Variants in ZNF362 observed in about 807,000 individuals in gnomAD.
ZNF362 encodes the protein zinc finger protein 362.
Under a neutral mutation model 42.9 loss-of-function variants are expected in ZNF362, and 11 were observed. The ratio of observed to expected loss-of-function variants is 0.26; its 90% CI spans 0.16 to 0.42. The LOEUF (loss-of-function observed/expected upper bound fraction) is 0.42, where lower values mean the gene tolerates loss of function less well. ZNF362 is among the 20% of genes least tolerant of loss of function. ZNF362 has a pLI of 1.00. For missense variants in ZNF362, 362 were observed against 576.2 expected (o/e 0.63, Z 3.81); for synonymous variants, 255 against 257.3 (o/e 0.99, Z 0.09).
chr1:33,135,497 C>T, the ZNF362 span, among the ~76,000 whole-genome samples: 1 of 152,206 alleles, frequency 6.6e-6, no homozygotes, highest in Non-Finnish European at 1.5e-5. Flanking sequence ...TATTTCGACT[C>T]ATTTCATTCT....
the ZNF362 span, among the ~76,000 whole-genome samples, chr1:33,236,037 C>G: frequency 5.9e-5 from 9 of 152,192 alleles, no homozygotes; most frequent in South Asian, 1.2e-3. Context: ...GGTGCAAGTG[C>G]TGACTGTTGC....
intron 6 of ZNF362, among the ~76,000 whole-genome samples, chr1:33,292,706 G>A (rs1646088193): frequency 6.6e-6 from 1 of 152,152 alleles, no homozygotes; most frequent in Non-Finnish European, 1.5e-5. Context: ...TCCTGGACTT[G>A]GTTGTGGGGT....
the ZNF362 span, among the ~76,000 whole-genome samples, chr1:33,242,264 AG>A: frequency 1.2e-4 from 19 of 152,308 alleles, no homozygotes; most frequent in African/African-American, 4.6e-4. Flanking sequence ...GCCGAGGAAG[AG>A]GAACCAGCAA....
chr1:33,262,922 G>A (rs1383996604), intron 1 of ZNF362, among the ~76,000 whole-genome samples: 6 of 152,170 alleles, frequency 3.9e-5, no homozygotes, highest in East Asian at 1.9e-4. Flanking sequence ...ATAGGAGCAC[G>A]TGCATGTGCT....
At chr1:33,231,220 G>C in the ZNF362 span, among the ~76,000 whole-genome samples, 1 of 152,310 alleles carries the variant, frequency 6.6e-6, no homozygotes, top group African/African-American at 2.4e-5. Flanking sequence ...GTGTCAAACA[G>C]TTAGAAGGAA....
chr1:33,131,114 A>G, the ZNF362 span, among the ~76,000 whole-genome samples: 3 of 152,240 alleles, frequency 2.0e-5, no homozygotes, highest in African/African-American at 4.8e-5. Context: ...GAAAACAGCC[A>G]CTGTGAGCTG....
At chr1:33,176,272 C>A in the ZNF362 span, 1 of 502,598 alleles carries the variant, frequency 2.0e-6, no homozygotes. Context: ...GTTCTTACTT[C>A]CATTTCTCAG....
chr1:33,285,882 G>A (rs1164673716), intron 6 of ZNF362, among the ~76,000 whole-genome samples: 3 of 152,156 alleles, frequency 2.0e-5, no homozygotes, highest in African/African-American at 4.8e-5. Context: ...GGTCAACATG[G>A]TGAAACCCTG....
the ZNF362 span, among the ~76,000 whole-genome samples, chr1:33,157,573 A>C: frequency 6.6e-6 from 1 of 152,104 alleles, no homozygotes; most frequent in African/African-American, 2.4e-5. Context: ...CCTAGGATGT[A>C]AGATGCGTGA....
At chr1:33,275,765 C>T (rs563439143) in intron 2 of ZNF362, among the ~76,000 whole-genome samples, 160 of 152,268 alleles carry the variant, frequency 1.1e-3, no homozygotes, top group African/African-American at 3.7e-3. Context: ...GTTGGCACAG[C>T]AGCCTGGGGC....
the ZNF362 span, among the ~76,000 whole-genome samples, chr1:33,205,213 G>A: frequency 7.9e-5 from 12 of 152,318 alleles, no homozygotes; most frequent in African/African-American, 2.9e-4. Context: ...GCTGGGCACA[G>A]CGGCTCACAA....
the ZNF362 span, among the ~76,000 whole-genome samples, chr1:33,177,067 G>GCA: frequency 9.3e-5 from 14 of 150,756 alleles, no homozygotes; most frequent in African/African-American, 2.4e-4. This position sits in a 1 kb window ranked among gnomAD's most constrained non-coding sequence, Gnocchi z 4.1. Flanking sequence ...ACACACACAT[G>GCA]CACACACACA....
chr1:33,182,610 G>A, the ZNF362 span, among the ~76,000 whole-genome samples: 2 of 151,754 alleles, frequency 1.3e-5, no homozygotes, highest in Non-Finnish European at 2.9e-5. Context: ...TTGTGTGTGT[G>A]TGTGTGTGTG....
At chr1:33,240,849 C>CT in the ZNF362 span, among the ~76,000 whole-genome samples, 3 of 152,194 alleles carry the variant, frequency 2.0e-5, no homozygotes, top group African/African-American at 7.2e-5. Context: ...ATGCGTGACA[C>CT]TTTACAGAAC....
At chr1:33,155,646 C>G in the ZNF362 span, among the ~76,000 whole-genome samples, 2 of 152,172 alleles carry the variant, frequency 1.3e-5, no homozygotes. Context: ...GGACAAGTTC[C>G]TAACAGCTCT....
At chr1:33,236,869 G>A in the ZNF362 span, among the ~76,000 whole-genome samples, 14 of 151,840 alleles carry the variant, frequency 9.2e-5, no homozygotes, top group East Asian at 1.9e-4. Flanking sequence ...TTAGGAGCTC[G>A]AGACCAGCCT....
At chr1:33,138,206 G>A in the ZNF362 span, among the ~76,000 whole-genome samples, 1 of 152,162 alleles carries the variant, frequency 6.6e-6, no homozygotes, top group African/African-American at 2.4e-5. Context: ...ACTCAGAATG[G>A]GGGTTAGGAA....
At chr1:33,243,155 T>TATGTTATGTCATGTC in the ZNF362 span, among the ~76,000 whole-genome samples, 5 of 151,514 alleles carry the variant, frequency 3.3e-5, no homozygotes, top group Admixed American at 1.3e-4. Context: ...TATGTTATGT[T>TATGTTATGTCATGTC]ATGTTGTTAT....
rs761245001 is a variant in ZNF362 at position 33,280,171 on chromosome 1, AGCGCGG to A, written c.406_411del (p.Ala136_Gly137del). 382 of 1,610,228 alleles carry A rather than the reference AGCGCGG, an allele frequency of 2.4e-4. 2 individuals are homozygous for A. Among genetic ancestry groups the A allele is most frequent in the South Asian group, 1.6e-3 (145 of 90,582 alleles). On this transcript the variant is annotated inframe_deletion, in exon 5 of 9. Coordinates refer to ENST00000539719, the MANE Select transcript of ZNF362 (RefSeq NM_152493.3). The surrounding 1 kb of genome is among the most constrained non-coding windows in gnomAD (Gnocchi z 5.6). ...CCCGTCTGTGAGCACTTCTGAGTCA[AGCGCGG>A]GCGCGGGCACGGGCACGGGTACCAG...
Sources: gnomAD v4.1 joint callset for allele counts (sites outside exome capture counted in the v4.1 genomes callset) on GRCh38, gnomAD v4.1.1 for gene constraint, Gnocchi (gnomAD v3.1) non-coding constraint, MANE v1.5 for transcripts, NCBI Gene and HGNC (gene_info 2026-07-23, HGNC 2026-07-21) for gene names.